Variants in SYT10 observed in about 807,000 individuals in gnomAD.
SYT10 encodes the protein synaptotagmin 10, also known as synaptotagmin-10.
A neutral mutation model predicts 51.1 loss-of-function variants in SYT10; 31 were observed. That is an observed-to-expected ratio of 0.61 (90% CI 0.46 to 0.82). The LOEUF (loss-of-function observed/expected upper bound fraction) is 0.82. SYT10 is among the 40% of genes least tolerant of loss of function. SYT10 has a pLI of 0.00. For synonymous variants in SYT10, 233 were observed against 225.9 expected, an observed-to-expected ratio of 1.03 and a Z score of -0.28; for missense variants, 603 against 634.0, an observed-to-expected ratio of 0.95 and a Z score of 0.53.
Position 33,382,465 on chromosome 12 carries a change from T to C in SYT10, c.1254A>G (p.Lys418=). 6.2e-7 allele frequency: 1 copy of C among 1,613,334 alleles called. No homozygotes were observed. The highest frequency in any genetic ancestry group is 1.3e-5 in the African/African-American group (1 of 74,976). The change falls in exon 5 of 7, where the codon AAA becomes AAG. Residue 418 remains lysine (K), a synonymous_variant. Transcript: ENST00000228567. ...MCEGRRLKKR[K]TTTKKNTLNP... ...TTAGAGTGTTTTTCTTTGTAGTTGTTTTCCTCTTTTTTAATCTTCGACCTT... is the reference window on the plus strand; with the variant it reads ...TTAGAGTGTTTTTCTTTGTAGTTGTCTTCCTCTTTTTTAATCTTCGACCTT...
intron 6 of SYT10, among the ~76,000 whole-genome samples, chr12:33,378,638 A>G (rs1304466625): frequency 6.6e-6 from 1 of 152,204 alleles, no homozygotes; most frequent in Non-Finnish European, 1.5e-5. Context: ...CACTTTTCAT[A>G]CTTAAGAAAA....
intron 1 of SYT10, among the ~76,000 whole-genome samples, chr12:33,427,054 A>G (rs148457721): frequency 0.011 from 1,640 of 152,162 alleles, 16 homozygotes; most frequent in Non-Finnish European, 0.017. Context: ...TTTGTTTCTA[A>G]TTTCTCTTAA....
intron 1 of SYT10, among the ~76,000 whole-genome samples, chr12:33,428,022 A>G (rs1866566802): frequency 6.6e-6 from 1 of 152,230 alleles, no homozygotes; most frequent in Admixed American, 6.5e-5. Flanking sequence ...AGACTGGAAG[A>G]GGAAACACTA....
Position 33,375,454 on chromosome 12 carries a change from G to A in SYT10, c.*1376C>T, listed in dbSNP as rs1866054527. ...AAACCACCAATTTTGAAATAAGCTT[G>A]AAATATATACTATCTATACCACACA... On this transcript the variant is annotated 3_prime_UTR_variant, in exon 7 of 7. Coordinates refer to ENST00000228567, the MANE Select transcript of SYT10 (RefSeq NM_198992.4). 1 of 151,732 alleles carries A rather than the reference G, an allele frequency of 6.6e-6. No homozygotes were observed. Among genetic ancestry groups the A allele is most frequent in the African/African-American group, 2.4e-5 (1 of 41,348 alleles). The allele number at this position is 151,732 out of a possible 1,614,324, so 9.4% of individuals were successfully genotyped here. A position where few individuals can be genotyped will look rare whatever the true frequency, so the allele number is the denominator to read the frequency against.
At chr12:33,381,085 C>T (rs1866110527) in intron 5 of SYT10, among the ~76,000 whole-genome samples, 1 of 152,144 alleles carries the variant, frequency 6.6e-6, no homozygotes, top group Admixed American at 6.6e-5. Flanking sequence ...TCTACCTACA[C>T]TTATTGCTGT....
chr12:33,386,317 G>T (rs1217183328), intron 3 of SYT10, among the ~76,000 whole-genome samples: 1 of 152,060 alleles, frequency 6.6e-6, no homozygotes, highest in Admixed American at 6.6e-5. Flanking sequence ...ACATTAGAAC[G>T]TCACACACAT....
chr12:33,388,415 G>C (rs1866176714), intron 3 of SYT10, among the ~76,000 whole-genome samples: 1 of 152,090 alleles, frequency 6.6e-6, no homozygotes, highest in African/African-American at 2.4e-5. Context: ...GTAAGGCTTT[G>C]AGTTTCTGAA....
intron 6 of SYT10, among the ~76,000 whole-genome samples, chr12:33,378,768 T>C (rs1402097128): frequency 6.6e-6 from 1 of 151,934 alleles, no homozygotes; most frequent in Non-Finnish European, 1.5e-5. Flanking sequence ...AGAATACACG[T>C]CTATACTTAT....
chr12:33,438,073 C>G (rs1226153324), intron 1 of SYT10, among the ~76,000 whole-genome samples: 2 of 152,092 alleles, frequency 1.3e-5, no homozygotes, highest in African/African-American at 4.8e-5. Flanking sequence ...CCCATGTGAA[C>G]GATGGAATGT....
chr12:33,394,795 G>A (rs1866239741), intron 3 of SYT10, among the ~76,000 whole-genome samples: 1 of 152,128 alleles, frequency 6.6e-6, no homozygotes, highest in Non-Finnish European at 1.5e-5. Flanking sequence ...TTACCTAATA[G>A]AAATAGTGCT....
chr12:33,381,419 G>T lies in SYT10; in HGVS notation c.1370+930C>A, dbSNP rs557054971. On this transcript the variant is annotated intron_variant, in intron 5 of 6. Coordinates refer to ENST00000228567, the MANE Select transcript of SYT10 (RefSeq NM_198992.4). ...TTTAGAACAAAATAAATATACTAAG[G>T]TACTGTTTATGTGTTGATAATTTTG... is the stretch of plus-strand genomic sequence containing the variant. Among the ~76,000 whole-genome samples the T allele has an allele frequency of 2.9e-4, 44 of 152,080 alleles. No homozygotes were observed. The South Asian group carries it at 8.9e-3, about 31-fold the overall frequency.
intron 6 of SYT10, among the ~76,000 whole-genome samples, chr12:33,379,170 C>T (rs1302074056): frequency 2.0e-5 from 3 of 152,042 alleles, no homozygotes; most frequent in African/African-American, 7.3e-5. Flanking sequence ...ACTTAATATT[C>T]ATCATTTCTT....
At chr12:33,395,196 T>A (rs1323098798) in intron 3 of SYT10, among the ~76,000 whole-genome samples, 2 of 152,214 alleles carry the variant, frequency 1.3e-5, no homozygotes, top group Non-Finnish European at 2.9e-5. Context: ...AGCCAGCAGA[T>A]AAGGTACTAT....
chr12:33,401,383 C>A (rs556465157), intron 3 of SYT10, among the ~76,000 whole-genome samples: 1 of 152,158 alleles, frequency 6.6e-6, no homozygotes, highest in African/African-American at 2.4e-5. Flanking sequence ...GTTGGCTTGC[C>A]AGATTTGTGA....
intron 1 of SYT10, chr12:33,432,495 T>C (rs1481504622): frequency 6.6e-6 from 1 of 152,088 alleles, no homozygotes; most frequent in Non-Finnish European, 1.5e-5. Flanking sequence ...TTTCACATAG[T>C]AAGCGCTCAA....
intron 4 of SYT10, 39 bp downstream of exon 4, chr12:33,385,132 G>C (rs779027559): frequency 7.0e-5 from 111 of 1,596,688 alleles, no homozygotes; most frequent in Non-Finnish European, 2.6e-6. Context: ...TATTTCATTT[G>C]AGATTGTGCC....
Position 33,382,343 on chromosome 12 carries a change from A to C in SYT10, c.1370+6T>G. ...TGCTCTTCAGTGAGAAGAGAGATACACATACCTATCGTAATCCATGACCGC... is the reference window on the plus strand; with the variant it reads ...TGCTCTTCAGTGAGAAGAGAGATACCCATACCTATCGTAATCCATGACCGC... On this transcript the variant is annotated splice_donor_region_variant and intron_variant, in intron 5 of 6. Coordinates refer to ENST00000228567, the MANE Select transcript of SYT10 (RefSeq NM_198992.4). 6.3e-7 allele frequency: 1 copy of C among 1,586,946 alleles called. No individual in the cohort carries two copies. The highest frequency in any genetic ancestry group is 8.6e-7 in the Non-Finnish European group (1 of 1,167,828).
At chr12:33,394,258 AG>A in intron 3 of SYT10, among the ~76,000 whole-genome samples, 1 of 152,340 alleles carries the variant, frequency 6.6e-6, no homozygotes, top group South Asian at 2.1e-4. Context: ...CCAGTCAGTA[AG>A]GTCTCTGGTT....
At chr12:33,383,285 T>G (rs886216751) in intron 4 of SYT10, among the ~76,000 whole-genome samples, 3 of 145,334 alleles carry the variant, frequency 2.1e-5, no homozygotes, top group African/African-American at 7.5e-5. Flanking sequence ...AATCAGTGTT[T>G]GCTATCAATT....
Sources: allele counts gnomAD v4.1 joint callset (sites outside exome capture counted in the v4.1 genomes callset), GRCh38; gene constraint gnomAD v4.1.1; transcripts MANE v1.5; gene names NCBI Gene and HGNC (gene_info 2026-07-23, HGNC 2026-07-21).